RFX7: variants seen among roughly 807,000 people sequenced by gnomAD.
The protein encoded by RFX7 is regulatory factor X7.
In RFX7, 26 loss-of-function variants were observed where a neutral mutation model predicts 111.8. That is an observed-to-expected ratio of 0.23 (90% confidence interval 0.17 to 0.32). RFX7 has a LOEUF of 0.32. Among genes scored for constraint, RFX7 ranks in the 10% least tolerant of loss-of-function variants. The pLI is 1.00. For synonymous variants in RFX7, 624 were observed against 624.4 expected (o/e 1.00, Z 0.01); for missense variants, 1,573 against 1,772.9 (o/e 0.89, Z 2.02).
At chr15:56,118,676 G>A (rs1385022303) in intron 5 of RFX7, among the ~76,000 whole-genome samples, 1 of 152,174 alleles carries the variant, frequency 6.6e-6, no homozygotes, top group Non-Finnish European at 1.5e-5. Context: ...ATATCTCTTT[G>A]ATATCCAGAT....
intron 5 of RFX7, among the ~76,000 whole-genome samples, chr15:56,122,137 G>A (rs2042087059): frequency 6.6e-6 from 1 of 152,118 alleles, no homozygotes; most frequent in African/African-American, 2.4e-5. Flanking sequence ...TTCACAGTGT[G>A]GGCCTGTTTG....
intron 2 of RFX7, among the ~76,000 whole-genome samples, chr15:56,189,293 T>C (rs1419750128): frequency 2.6e-5 from 4 of 152,054 alleles, no homozygotes; most frequent in South Asian, 4.1e-4. Context: ...AGGCTGAGAA[T>C]TGCTTGAGCC....
chr15:56,142,858 A>G lies in RFX7; in HGVS notation c.321T>C (p.His107=). 1 of 1,613,690 alleles carries G rather than the reference A, an allele frequency of 6.2e-7. No individual in the cohort carries two copies. Among genetic ancestry groups the G allele is most frequent in the Admixed American group, 1.7e-5 (1 of 59,934 alleles). ...GGGTATTCCGAATCCAGGAAAAGGC[A>G]TGCATTTGTTGTGCCCGACTAGATG... ...AMSSSRAQQM[H]AFSWIRNTLE... Residue 107 remains histidine, a synonymous_variant, in exon 5 of 10, where the codon CAT becomes CAC. Coordinates refer to ENST00000559447, the MANE Select transcript of RFX7 (RefSeq NM_022841.7).
intron 7 of RFX7, 67 bp from the exon 8 acceptor site, chr15:56,101,633 A>G (rs2041754889): frequency 7.5e-7 from 1 of 1,339,500 alleles, no homozygotes; most frequent in African/African-American, 1.5e-5. Flanking sequence ...AGCATGTTAA[A>G]GATATGTATT....
chr15:56,221,725 A>G (rs531989176), intron 2 of RFX7, among the ~76,000 whole-genome samples: 1 of 152,218 alleles, frequency 6.6e-6, no homozygotes, highest in East Asian at 1.9e-4. Context: ...TAGGGATTAC[A>G]ATATATATCC....
rs1427667445 is a variant in RFX7, at chr15:56,088,466, CTCTCT to C, written c.*4874_*4878del. 8 of 152,090 alleles carry C rather than the reference CTCTCT, an allele frequency of 5.3e-5. No individual in the cohort carries two copies. Among genetic ancestry groups the C allele is most frequent in the South Asian group, 2.1e-4 (1 of 4,824 alleles). The allele number at this position is 152,090 out of a possible 1,614,324, so 9.4% of individuals were successfully genotyped here. ...CTCATGATATATTTTATTTATATGA[CTCTCT>C]TCTCCTCTCCAAGAATTAAGTACTT... On this transcript the variant is annotated 3_prime_UTR_variant, in exon 10 of 10. Transcript: ENST00000559447.
At chr15:56,105,150 C>A (rs1314186657) in intron 5 of RFX7, among the ~76,000 whole-genome samples, 2 of 152,154 alleles carry the variant, frequency 1.3e-5, no homozygotes. Flanking sequence ...ATTCCTCTAC[C>A]TGGAACATTA....
chr15:56,109,703 G>A (rs1195103568), intron 5 of RFX7, among the ~76,000 whole-genome samples: 220 of 134,374 alleles, frequency 1.6e-3, no homozygotes, highest in Middle Eastern at 3.7e-3. Context: ...CTGTCGCCCC[G>A]TCCGGGATGT....
At chr15:56,184,330 C>A (rs191116398) in intron 2 of RFX7, among the ~76,000 whole-genome samples, 1 of 151,376 alleles carries the variant, frequency 6.6e-6, no homozygotes, top group South Asian at 2.1e-4. Flanking sequence ...TGAGCCACTG[C>A]GCCCGGACAG....
chr15:56,229,601 T>A (rs1205452863), intron 2 of RFX7, among the ~76,000 whole-genome samples: 1 of 152,186 alleles, frequency 6.6e-6, no homozygotes, highest in African/African-American at 2.4e-5. Context: ...AGTTAGAGAA[T>A]GAGAATCTCC....
At chr15:56,100,675 G>A (rs990001759) in intron 8 of RFX7, among the ~76,000 whole-genome samples, 4 of 152,016 alleles carry the variant, frequency 2.6e-5, no homozygotes, top group African/African-American at 9.7e-5. Flanking sequence ...TCCACTCTAG[G>A]TTTATAAGGT....
Position 56,095,917 on chromosome 15 carries a change from C to G in RFX7, c.1811G>C (p.Ser604Thr). The G allele has an allele frequency of 6.2e-7, 1 of 1,605,666 alleles. No individual in the cohort carries two copies. The highest frequency in any genetic ancestry group is 8.5e-7 in the Non-Finnish European group (1 of 1,179,814). ...KVCDQRTKCK[S>T]RCNEMLPGTS... is the part of the protein sequence containing the mutation. ...GCCTGGCAGCATTTCATTACAGCGA[C>G]TTTTACATTTGGTCCTCTGGTCACA... is the stretch of plus-strand genomic sequence containing the variant. Residue 604 changes from serine (S) to threonine (T), a missense_variant, in exon 10 of 10, where the codon AGT (serine) becomes ACT (threonine). Physicochemically the swap from Ser to Thr is moderately conservative, Grantham distance 58. Around this residue, in one of 7 missense-constraint regions of RFX7, gnomAD observed 625 missense variants for 632.2 expected, o/e 0.99. Coordinates refer to ENST00000559447, the MANE Select transcript of RFX7 (RefSeq NM_022841.7).
intron 2 of RFX7, among the ~76,000 whole-genome samples, chr15:56,194,621 T>G (rs1168657746): frequency 1.3e-5 from 2 of 152,060 alleles, no homozygotes; most frequent in African/African-American, 4.8e-5. Context: ...AAAACAAAAT[T>G]TTTTATATTT....
chr15:56,243,049 G>GC, intron 2 of RFX7, 76 bp downstream of exon 2: 6 of 476,992 alleles, frequency 1.3e-5, no homozygotes, highest in African/African-American at 2.1e-5. Flanking sequence ...CGCTCCCCCC[G>GC]CCCGCCGCCC....
At chr15:56,234,013 G>A (rs1304969225) in intron 2 of RFX7, among the ~76,000 whole-genome samples, 1 of 152,110 alleles carries the variant, frequency 6.6e-6, no homozygotes, top group Non-Finnish European at 1.5e-5. Flanking sequence ...ATTTCTGCTA[G>A]TGAGATTAAC....
In RFX7 at chr15:56,179,809, C is replaced by T. The variant is rs1311485912; in HGVS notation, c.162-506G>A. On this transcript the variant is annotated intron_variant, in intron 2 of 9. Transcript: ENST00000559447. ...ACACACACACACACACACACACACA[C>T]ACACCAGTAACAGGAATCCCTAGAC... Among the ~76,000 whole-genome samples the T allele has an allele frequency of 8.1e-5, 10 of 123,734 alleles. No homozygotes were observed. The East Asian group carries it at 2.1e-3, about 26-fold the overall frequency. The allele number at this position is 123,734 out of a possible 152,430, so 81.2% of individuals were successfully genotyped here. A position where few individuals can be genotyped will look rare whatever the true frequency, so the allele number is the denominator to read the frequency against.
At chr15:56,243,040 GCTCC>G in intron 2 of RFX7, 81 bp downstream of exon 2, 1 of 570,718 alleles carries the variant, frequency 1.8e-6, no homozygotes, top group Non-Finnish European at 3.1e-6. Context: ...CTCCTCCTCC[GCTCC>G]CCCCGCCCGC....
chr15:56,164,892 G>C (rs1371364631), intron 3 of RFX7, among the ~76,000 whole-genome samples: 2 of 152,168 alleles, frequency 1.3e-5, no homozygotes, highest in Non-Finnish European at 2.9e-5. Context: ...CACTGTGCCA[G>C]TAGAGTTGGA....
At chr15:56,155,703 T>C (rs1160681356) in intron 3 of RFX7, among the ~76,000 whole-genome samples, 1 of 152,102 alleles carries the variant, frequency 6.6e-6, no homozygotes, top group Non-Finnish European at 1.5e-5. Flanking sequence ...CTAGGGCACA[T>C]GAATACCTAT....
Sources: allele counts gnomAD v4.1 joint callset (sites outside exome capture counted in the v4.1 genomes callset), GRCh38; gene constraint gnomAD v4.1.1; regional missense constraint gnomAD v4.1.1; transcripts MANE v1.5; gene names NCBI Gene and HGNC (gene_info 2026-07-23, HGNC 2026-07-21).